Variants in KIF26B observed in about 807,000 individuals in gnomAD.
The protein encoded by KIF26B is kinesin-like protein KIF26B.
A neutral mutation model predicts 151.2 loss-of-function variants in KIF26B; 63 were observed. The ratio of observed to expected loss-of-function variants is 0.42; its 90% CI spans 0.34 to 0.51. The LOEUF is 0.51. Ranked by LOEUF, KIF26B falls within the 20% of genes least tolerant of loss-of-function variation. The pLI is 0.07. For missense variants in KIF26B, 2,813 were observed against 2,913.6 expected (o/e 0.97, Z 0.79); for synonymous variants, 1,357 against 1,262.1 (o/e 1.08, Z -1.59).
intron 2 of KIF26B, among the ~76,000 whole-genome samples, chr1:245,168,092 T>C (rs1438504511): frequency 6.6e-6 from 1 of 152,218 alleles, no homozygotes; most frequent in African/African-American, 2.4e-5. Flanking sequence ...AAGAGCATGG[T>C]AGTCGGTGGG....
At chr1:245,467,112 T>A (rs523744) in intron 4 of KIF26B, among the ~76,000 whole-genome samples, 2 of 152,060 alleles carry the variant, frequency 1.3e-5, no homozygotes, top group South Asian at 4.1e-4. Context: ...CACTATAAGA[T>A]TGGAAGTCAG....
rs869262948 is a variant in KIF26B, at chr1:245,287,486, ATCTCTC to A, written c.466-79340_466-79335del. On this transcript the variant is annotated intron_variant, in intron 2 of 14. Transcript: ENST00000407071. ...TGATCTGAGGGTCCCTGTGTGTCTC[ATCTCTC>A]TCTCTCTTTTTTTTTTTTTTTTTTT... 2.3e-3 allele frequency among the ~76,000 whole-genome samples: 309 copies of A among 135,734 alleles called. 6 individuals are homozygous for A. The highest frequency in any genetic ancestry group is 4.4e-3 in the Middle Eastern group (1 of 228). The allele number at this position is 135,734 out of a possible 152,430, so 89.0% of individuals were successfully genotyped here.
At chr1:245,320,883 G>A (rs887537912) in intron 2 of KIF26B, among the ~76,000 whole-genome samples, 13 of 152,122 alleles carry the variant, frequency 8.5e-5, no homozygotes, top group African/African-American at 2.9e-4. Context: ...TCATTGTATC[G>A]GTCAGGCTGG....
chr1:245,556,267 T>C, intron 5 of KIF26B, among the ~76,000 whole-genome samples: 1 of 136,848 alleles, frequency 7.3e-6, no homozygotes. Flanking sequence ...TCCTCCCTCC[T>C]CCTCCTCTTC....
rs527268672 is a variant in KIF26B at position 245,241,762 on chromosome 1, C to T, written c.465+85079C>T. Among the ~76,000 whole-genome samples, 47 of 152,332 alleles carry T rather than the reference C, an allele frequency of 3.1e-4. No homozygotes were observed. Among genetic ancestry groups the T allele is most frequent in the African/African-American group, 9.4e-4 (39 of 41,570 alleles). Reference sequence around the variant, plus strand: ...CCCTCCTGTGGGCAGTGCTTCACAGCGGCAGCGGGAGCACTGGGTGCAGCC... The same window carrying T: ...CCCTCCTGTGGGCAGTGCTTCACAGTGGCAGCGGGAGCACTGGGTGCAGCC... On this transcript the variant is annotated intron_variant, in intron 2 of 14. Coordinates refer to ENST00000407071, the MANE Select transcript of KIF26B (RefSeq NM_018012.4). This position sits in a 1 kb window ranked among gnomAD's most constrained non-coding sequence, Gnocchi z 5.0.
At chr1:245,172,997 C>T (rs886768204) in intron 2 of KIF26B, among the ~76,000 whole-genome samples, 7 of 152,158 alleles carry the variant, frequency 4.6e-5, no homozygotes, top group African/African-American at 1.7e-4. Context: ...GTAGAAGCTA[C>T]CCAAGTGTCT....
At chr1:245,522,084 T>A in intron 4 of KIF26B, among the ~76,000 whole-genome samples, 1 of 152,244 alleles carries the variant, frequency 6.6e-6, no homozygotes, top group East Asian at 1.9e-4. Context: ...TTAGCCAGGA[T>A]GGTCTCGATC....
At chr1:245,554,947 G>A (rs145070870) in intron 5 of KIF26B, among the ~76,000 whole-genome samples, 2 of 152,310 alleles carry the variant, frequency 1.3e-5, no homozygotes, top group African/African-American at 4.8e-5. Flanking sequence ...AGGAAGTTGG[G>A]CTTTTCCTCT....
intron 2 of KIF26B, among the ~76,000 whole-genome samples, chr1:245,163,866 C>T (rs533586036): frequency 4.0e-5 from 6 of 151,494 alleles, no homozygotes; most frequent in Non-Finnish European, 8.8e-5. Context: ...TTAAATTCTA[C>T]TATATTCACT....
chr1:245,457,068 G>A (rs956406115), intron 4 of KIF26B, among the ~76,000 whole-genome samples: 4 of 152,318 alleles, frequency 2.6e-5, no homozygotes, highest in Admixed American at 6.5e-5. Context: ...GTTTCACCAC[G>A]TTGGCCAGGC....
chr1:245,397,066 C>A (rs1471856277), intron 3 of KIF26B, among the ~76,000 whole-genome samples: 1 of 151,694 alleles, frequency 6.6e-6, no homozygotes, highest in Admixed American at 6.6e-5. Context: ...CTCAAGCAAT[C>A]CTCACACCAC....
intron 2 of KIF26B, among the ~76,000 whole-genome samples, chr1:245,256,112 G>C (rs1255943707): frequency 6.6e-6 from 1 of 152,144 alleles, no homozygotes; most frequent in African/African-American, 2.4e-5. Context: ...CGGGATTTGG[G>C]TATGCCCTTC....
chr1:245,652,344 T>A (rs189454875), intron 10 of KIF26B, among the ~76,000 whole-genome samples: 2 of 152,312 alleles, frequency 1.3e-5, no homozygotes, highest in East Asian at 3.9e-4. Context: ...TTCTTAGTAT[T>A]GCTGCTTTAG....
In KIF26B at chr1:245,188,532, T is replaced by A. The variant is rs80322218; in HGVS notation, c.465+31849T>A. Among the ~76,000 whole-genome samples, 738 of 152,322 alleles carry A rather than the reference T, an allele frequency of 4.8e-3. 9 individuals carry two copies. The highest frequency in any genetic ancestry group is 0.017 in the African/African-American group (710 of 41,566). On this transcript the variant is annotated intron_variant, in intron 2 of 14. Coordinates refer to ENST00000407071, the MANE Select transcript of KIF26B (RefSeq NM_018012.4). ...GCTTTGCAAACTGATGACGAAGATA[T>A]GTTTTAAGGAACTAGCTCCCAAGTT... is the stretch of plus-strand genomic sequence containing the variant.
intron 2 of KIF26B, among the ~76,000 whole-genome samples, chr1:245,357,419 G>A (rs1249748603): frequency 6.6e-6 from 1 of 152,230 alleles, no homozygotes; most frequent in Non-Finnish European, 1.5e-5. Flanking sequence ...TTAGAGAAGT[G>A]CTGTGTGAGT....
At chr1:245,478,083 C>T (rs867201723) in intron 4 of KIF26B, among the ~76,000 whole-genome samples, 2 of 151,834 alleles carry the variant, frequency 1.3e-5, no homozygotes, top group African/African-American at 4.8e-5. Flanking sequence ...TGGAATCATA[C>T]AATACGTGAA....
intron 4 of KIF26B, among the ~76,000 whole-genome samples, chr1:245,453,873 C>A (rs1032883214): frequency 4.6e-5 from 7 of 152,070 alleles, no homozygotes; most frequent in African/African-American, 1.7e-4. Flanking sequence ...AGTAACAGCC[C>A]AGCGTACTTC....
At chr1:245,425,538 C>CT (rs1420209792) in intron 4 of KIF26B, among the ~76,000 whole-genome samples, 6 of 152,156 alleles carry the variant, frequency 3.9e-5, no homozygotes, top group Admixed American at 3.9e-4. Context: ...TCCCGAGTAG[C>CT]TGGGACTACA....
chr1:245,313,345 A>G (rs559416760), intron 2 of KIF26B, among the ~76,000 whole-genome samples: 1 of 152,320 alleles, frequency 6.6e-6, no homozygotes, highest in South Asian at 2.1e-4. Context: ...TGTCAGCAGG[A>G]CTTAGGGTGC....
Sources: allele counts gnomAD v4.1 joint callset (sites outside exome capture counted in the v4.1 genomes callset), GRCh38; gene constraint gnomAD v4.1.1; non-coding constraint Gnocchi (gnomAD v3.1); transcripts MANE v1.5; gene names NCBI Gene and HGNC (gene_info 2026-07-23, HGNC 2026-07-21).